Variants in HAUS5 observed in about 807,000 individuals in gnomAD.
HAUS5 encodes HAUS augmin like complex subunit 5.
In HAUS5, 67 loss-of-function variants were observed where a neutral mutation model predicts 94.1. The ratio of observed to expected loss-of-function variants is 0.71; its 90% CI spans 0.58 to 0.87. HAUS5 has a LOEUF of 0.87. Among genes scored for constraint, HAUS5 ranks in the 40% least tolerant of loss-of-function variants. The probability of loss-of-function intolerance (pLI) is 0.00; values close to 1 mark genes in which losing one functional copy is unlikely to be tolerated. For synonymous variants in HAUS5, 339 were observed against 355.4 expected (o/e 0.95, Z 0.52); for missense variants, 739 against 825.6 (o/e 0.90, Z 1.29).
intron 17 of HAUS5, among the ~76,000 whole-genome samples, chr19:35,622,130 T>C (rs1438334616): frequency 6.6e-6 from 1 of 152,120 alleles, no homozygotes; most frequent in East Asian, 1.9e-4. Flanking sequence ...GGGCTTGGAC[T>C]CTGCCTTGGG....
chr19:35,612,998 G>A lies in HAUS5; in HGVS notation c.98+106G>A, dbSNP rs1599592505. 6 of 820,980 alleles carry A rather than the reference G, an allele frequency of 7.3e-6. No individual in the cohort carries two copies. The South Asian group carries it at 7.9e-5, about 11-fold the overall frequency. The allele number at this position is 820,980 out of a possible 1,614,324, so 50.9% of individuals were successfully genotyped here. ...ACTCGACTCCCCCCAATTCCCCATC[G>A]AGAGTGACCCGACTTACTGAGGGCT... On this transcript the variant is annotated intron_variant, in intron 1 of 18. Transcript: ENST00000203166.
At position 35,622,643 on chromosome 19, in the gene HAUS5, A is replaced by C. The variant is rs201888166; in HGVS notation, c.1694A>C (p.Glu565Ala). The C allele has an allele frequency of 1.4e-5, 23 of 1,614,042 alleles. No individual in the cohort carries two copies. Among genetic ancestry groups the C allele is most frequent in the Non-Finnish European group, 1.9e-5 (22 of 1,179,992 alleles). The change falls in exon 18 of 19, where the codon GAG becomes GCG. Residue 565 changes from glutamate (E) to alanine (A), a missense_variant. Physicochemically the swap from Glu to Ala is moderately radical, Grantham distance 107. Coordinates refer to ENST00000203166, the MANE Select transcript of HAUS5 (RefSeq NM_015302.2). ...IQASQEKQQKENLGQALKRLE... is the reference protein window; with the variant it reads ...IQASQEKQQKANLGQALKRLE... The stretch of plus-strand genomic sequence containing the variant: ...GCATCCCAGGAAAAACAGCAGAAAG[A>C]GAACCTGGGGCAGGCTCTGAAGAGG...
At chr19:35,618,246 G>C (rs1417506655) in intron 10 of HAUS5, 51 bp downstream of exon 10, 5 of 1,597,514 alleles carry the variant, frequency 3.1e-6, no homozygotes, top group East Asian at 2.2e-5. Context: ...GAGTGGGTGA[G>C]CTGGGACAGC....
Position 35,617,116 on chromosome 19 carries a change from C to T in HAUS5, c.486-8C>T. The T allele has an allele frequency of 1.2e-6, 2 of 1,611,892 alleles. No individual in the cohort carries two copies. The highest frequency in any genetic ancestry group is 1.3e-5 in the African/African-American group (1 of 75,006). ...GGACCCCAGCCCCAGCTGCACTTCT[C>T]CCTCCAGGAAAGCCAAAGTAGATGT... On this transcript the variant is annotated splice_polypyrimidine_tract_variant and splice_region_variant and intron_variant, in intron 6 of 18. Transcript: ENST00000203166.
In HAUS5 at chr19:35,618,099, A is replaced by G. The variant is rs528669132; in HGVS notation, c.725A>G (p.His242Arg). 4 of 1,603,254 alleles carry G rather than the reference A, an allele frequency of 2.5e-6. No individual in the cohort carries two copies. Among genetic ancestry groups the G allele is most frequent in the East Asian group, 2.2e-5 (1 of 44,676 alleles). The stretch of plus-strand genomic sequence containing the variant: ...CTGCTGACAAACCACCCCCCAGGCC[A>G]CGTCCTGGCTGCCTTGGAGCACCTG... ...ETLLTNHPPG[H>R]VLAALEHLAA... is the part of the protein sequence containing the mutation. The change falls in exon 10 of 19, where the codon CAC (histidine) becomes CGC (arginine). Residue 242 changes from histidine to arginine, a missense_variant. His to Arg is a conservative substitution (Grantham distance 29). Coordinates refer to ENST00000203166, the MANE Select transcript of HAUS5 (RefSeq NM_015302.2).
rs548960919 is a variant in HAUS5 at position 35,622,746 on chromosome 19, C to T, written c.1784+13C>T. ...TCGTGGGGGACTGGTGAGAGGGGAACGTGCCGCGGATGGGAAACAGAAAAG... is the reference window on the plus strand; with the variant it reads ...TCGTGGGGGACTGGTGAGAGGGGAATGTGCCGCGGATGGGAAACAGAAAAG... On this transcript the variant is annotated intron_variant, in intron 18 of 18. Coordinates refer to ENST00000203166, the MANE Select transcript of HAUS5 (RefSeq NM_015302.2). 2.2e-5 allele frequency: 35 copies of T among 1,613,798 alleles called. No homozygotes were observed. Among genetic ancestry groups the T allele is most frequent in the East Asian group, 8.9e-5 (4 of 44,822 alleles).
chr19:35,619,042 A>T lies in HAUS5; in HGVS notation c.1172A>T (p.Gln391Leu). ...AKQQRILHWR[Q>L]LVEETQEQVR... ...CAGCAGCGGATCCTGCACTGGCGCC[A>T]GCTGGTGGTGAGAGGCTAGGCCCAG... Residue 391 changes from glutamine (Q) to leucine (L), a missense_variant, in exon 13 of 19, where the codon CAG (glutamine) becomes CTG (leucine). Transcript: ENST00000203166. The T allele has an allele frequency of 6.3e-7, 1 of 1,590,282 alleles. No homozygotes were observed. Among genetic ancestry groups the T allele is most frequent in the Non-Finnish European group, 8.5e-7 (1 of 1,169,740 alleles).
In HAUS5 at chr19:35,617,893, A is replaced by G. The variant is rs760320082; in HGVS notation, c.677A>G (p.Gln226Arg). 17 of 1,614,086 alleles carry G rather than the reference A, an allele frequency of 1.1e-5. No individual in the cohort carries two copies. The highest frequency in any genetic ancestry group is 1.3e-5 in the Non-Finnish European group (15 of 1,179,964). Residue 226 changes from glutamine (Q) to arginine (R), a missense_variant, in exon 9 of 19, where the codon CAG becomes CGG. Transcript: ENST00000203166. ...GACCACTTTGGCACTTCGTACCAGC[A>G]GTGGCTGAGCTCAGTGGAGGTGAGA... ...HDDHFGTSYQ[Q>R]WLSSVETLLT...
In HAUS5 at chr19:35,614,022, C is replaced by A; in HGVS notation, c.195-13C>A. 1 of 1,613,872 alleles carries A rather than the reference C, an allele frequency of 6.2e-7. No homozygotes were observed. The highest frequency in any genetic ancestry group is 8.5e-7 in the Non-Finnish European group (1 of 1,179,796). On this transcript the variant is annotated splice_polypyrimidine_tract_variant and intron_variant, in intron 3 of 18. Transcript: ENST00000203166. ...GCCCCACTCATCCGCTGACTCTGGC[C>A]TCGTTTTCCTAGGTATGGCCACCAG...
At position 35,623,401 on chromosome 19, in the gene HAUS5, A is replaced by T. The variant is rs558123370; in HGVS notation, c.*408A>T. ...TGTGGGAAATCCAGCAGGGGGTGGG[A>T]TGTGTGATTTGAATTGAGGGCCACA... On this transcript the variant is annotated 3_prime_UTR_variant, in exon 19 of 19. Coordinates refer to ENST00000203166, the MANE Select transcript of HAUS5 (RefSeq NM_015302.2). 2.3e-5 allele frequency: 4 copies of T among 176,302 alleles called. No individual in the cohort carries two copies. In the East Asian group the frequency reaches 6.9e-4, roughly 30 times the overall value. 10.9% of individuals were successfully genotyped at this position (176,302 alleles called of 1,614,324 possible).
chr19:35,619,584 G>GGGGCC, intron 14 of HAUS5, 29 bp from the exon 15 acceptor site: 29 of 1,533,530 alleles, frequency 1.9e-5, no homozygotes, highest in Non-Finnish European at 2.4e-5. Context: ...ATGTTGTGAT[G>GGGGCC]CCCCACCCAC....
In HAUS5 at chr19:35,619,601, C is replaced by T; in HGVS notation, c.1261-12C>T. 2 of 1,580,630 alleles carry T rather than the reference C, an allele frequency of 1.3e-6. No homozygotes were observed. The highest frequency in any genetic ancestry group is 1.7e-6 in the Non-Finnish European group (2 of 1,160,960). Reference sequence around the variant, plus strand: ...GTTGTGATGCCCCACCCACCCCTCCCCTTCCCCACAGGTGCTAGCTCTGGT... The same window carrying T: ...GTTGTGATGCCCCACCCACCCCTCCTCTTCCCCACAGGTGCTAGCTCTGGT... On this transcript the variant is annotated splice_polypyrimidine_tract_variant and intron_variant, in intron 14 of 18. Transcript: ENST00000203166.
Position 35,615,120 on chromosome 19 carries a change from C to T in HAUS5, c.298C>T (p.Leu100=), listed in dbSNP as rs747773431. ...EIQELDQSLE[L]MERDTEAQDT... is the part of the protein sequence containing the mutation. ...CCAGGAACTCGACCAGAGCCTGGAG[C>T]TGATGGAGCGAGACACTGAGGCTCA... Residue 100 remains leucine, a synonymous_variant, in exon 5 of 19, where the codon CTG becomes TTG. Coordinates refer to ENST00000203166, the MANE Select transcript of HAUS5 (RefSeq NM_015302.2). 3.7e-6 allele frequency: 6 copies of T among 1,609,734 alleles called. No homozygotes were observed. The East Asian group carries it at 1.3e-4, about 36-fold the overall frequency.
intron 6 of HAUS5, among the ~76,000 whole-genome samples, chr19:35,616,162 AC>A (rs2071941122): frequency 6.6e-6 from 1 of 152,120 alleles, no homozygotes; most frequent in African/African-American, 2.4e-5. Context: ...ACTAAAAAAT[AC>A]AAAAATTAGT....
intron 17 of HAUS5, 133 bp downstream of exon 17, chr19:35,620,460 T>G: frequency 1.3e-6 from 1 of 754,330 alleles, no homozygotes; most frequent in East Asian, 2.7e-5. Flanking sequence ...CATTCTCCCT[T>G]GTTTCATCTG....
chr19:35,619,584 G>GGGC, intron 14 of HAUS5, 29 bp from the exon 15 acceptor site: 40 of 1,533,564 alleles, frequency 2.6e-5, no homozygotes, highest in Non-Finnish European at 3.1e-5. Context: ...ATGTTGTGAT[G>GGGC]CCCCACCCAC....
chr19:35,618,353 A>G, intron 10 of HAUS5, 49 bp from the exon 11 acceptor site: 1 of 1,609,966 alleles, frequency 6.2e-7, no homozygotes, highest in Non-Finnish European at 8.5e-7. Context: ...CTCGAGTACC[A>G]AGGCAAGGCC....
chr19:35,620,212 G>A lies in HAUS5; in HGVS notation c.1536G>A (p.Leu512=), dbSNP rs1005754541. The A allele has an allele frequency of 6.2e-7, 1 of 1,613,280 alleles. No individual in the cohort carries two copies. Among genetic ancestry groups the A allele is most frequent in the East Asian group, 2.2e-5 (1 of 44,896 alleles). The change falls in exon 17 of 19, where the codon CTG becomes CTA. Residue 512 remains leucine, a synonymous_variant. Transcript: ENST00000203166. The stretch of plus-strand genomic sequence containing the variant: ...TCCTCCAGGCCTCGGAGCTGCTCCT[G>A]CCGGCGGCTGCCTCTCTTCGCCAGG... The part of the protein sequence containing the change: ...LPPGKASELL[L]PAAASLRQDL...
chr19:35,618,545 CCT>C (rs759644727), intron 11 of HAUS5, 22 bp from the exon 12 acceptor site: 8 of 1,609,900 alleles, frequency 5.0e-6, no homozygotes, highest in Non-Finnish European at 6.8e-6. Flanking sequence ...CTGGGTGTAC[CCT>C]GATTCTGTAC....
Sources: allele counts gnomAD v4.1 joint callset (sites outside exome capture counted in the v4.1 genomes callset), GRCh38; gene constraint gnomAD v4.1.1; transcripts MANE v1.5; gene names NCBI Gene and HGNC (gene_info 2026-07-23, HGNC 2026-07-21).